The following RGS3 variants were observed in gnomAD, a reference collection of about 807,000 sequenced individuals.
The protein encoded by RGS3 is regulator of G-protein signalling 3.
In RGS3, 80 loss-of-function variants were observed where a neutral mutation model predicts 132.6. The ratio of observed to expected loss-of-function variants is 0.60; its 90% CI spans 0.50 to 0.73. The LOEUF (loss-of-function observed/expected upper bound fraction) is 0.73. RGS3 is among the 30% of genes least tolerant of loss of function. The pLI is 0.00. For synonymous variants in RGS3, 598 were observed against 620.6 expected (o/e 0.96, Z 0.54); for missense variants, 1,382 against 1,530.8 (o/e 0.90, Z 1.62).
At chr9:113,505,229 G>T in intron 10 of RGS3, 1 of 573,300 alleles carries the variant, frequency 1.7e-6, no homozygotes, top group Non-Finnish European at 3.1e-6. Context: ...TTTACTTGCT[G>T]AGCTTTGGGC....
chr9:113,595,620 C>T (rs1348216358), exon 24 of RGS3: 5 of 1,614,162 alleles, frequency 3.1e-6, no homozygotes, highest in Non-Finnish European at 3.4e-6. Flanking sequence ...GTGTTCCAAG[C>T]CTTCCTTCGC....
chr9:113,551,794 G>A (rs1270752324), intron 19 of RGS3, among the ~76,000 whole-genome samples: 5 of 152,202 alleles, frequency 3.3e-5, no homozygotes, highest in Admixed American at 6.5e-5. Context: ...GGGAGGTGGA[G>A]GTTGCACGGA....
intron 19 of RGS3, among the ~76,000 whole-genome samples, chr9:113,569,794 G>A (rs566438176): frequency 3.0e-4 from 45 of 152,276 alleles, no homozygotes; most frequent in South Asian, 2.5e-3. Context: ...GAGGCATGGG[G>A]TGGGGAGGGG....
At chr9:113,593,186 C>G (rs745438247) in intron 21 of RGS3, among the ~76,000 whole-genome samples, 2 of 152,174 alleles carry the variant, frequency 1.3e-5, no homozygotes, top group Non-Finnish European at 2.9e-5. Context: ...AAGACTAGCT[C>G]CAGAGCCTGG....
intron 16 of RGS3, among the ~76,000 whole-genome samples, chr9:113,519,834 G>T (rs12342699): frequency 2.0e-5 from 3 of 152,044 alleles, no homozygotes; most frequent in South Asian, 2.1e-4. Flanking sequence ...ATCCAGTCCC[G>T]CACCGTGAAC....
chr9:113,584,103 C>T (rs565065988), exon 20 of RGS3: 102 of 1,614,140 alleles, frequency 6.3e-5, no homozygotes, highest in African/African-American at 4.9e-4. Context: ...GGGAGGAGGA[C>T]GAGGATGAGG....
chr9:113,569,513 T>C (rs903253479), intron 19 of RGS3, among the ~76,000 whole-genome samples: 2 of 152,278 alleles, frequency 1.3e-5, no homozygotes, highest in East Asian at 1.9e-4. Context: ...CAGTTCCCAG[T>C]TGATTCAAAT....
chr9:113,445,073 T>C lies in RGS3; in HGVS notation c.-13+146T>C, dbSNP rs192169167. Reference sequence around the variant, plus strand: ...TAAGATTTAGCCTGTTGGAATATGGTTCTAAGAGGCTTATATTTCCAAGAA... The same window carrying C: ...TAAGATTTAGCCTGTTGGAATATGGCTCTAAGAGGCTTATATTTCCAAGAA... On this transcript the variant is annotated intron_variant, in intron 1 of 25. Transcript: ENST00000374140. The C allele has an allele frequency of 5.9e-5, 9 of 152,368 alleles. No homozygotes were observed. The East Asian group carries it at 1.7e-3, about 29-fold the overall frequency. 9.4% of individuals were successfully genotyped at this position (152,368 alleles called of 1,614,324 possible). A position where few individuals can be genotyped will look rare whatever the true frequency, so the allele number is the denominator to read the frequency against.
chr9:113,476,288 A>G (rs888939604), intron 3 of RGS3, among the ~76,000 whole-genome samples: 2 of 151,914 alleles, frequency 1.3e-5, no homozygotes, highest in Admixed American at 6.6e-5. Flanking sequence ...GTAGAGTTCT[A>G]ATCTCCAGCT....
At chr9:113,529,158 G>T in intron 17 of RGS3, 63 bp from the exon 16 acceptor site, 1 of 1,308,512 alleles carries the variant, frequency 7.6e-7, no homozygotes, top group South Asian at 1.2e-5. Flanking sequence ...GACTGTGCTG[G>T]AGCAAACTGC....
At chr9:113,560,344 A>T (rs1833736902) in intron 19 of RGS3, among the ~76,000 whole-genome samples, 1 of 152,066 alleles carries the variant, frequency 6.6e-6, no homozygotes, top group Non-Finnish European at 1.5e-5. Context: ...GCTCTGTCTT[A>T]CCCCACCCCA....
At chr9:113,505,258 A>G in intron 10 of RGS3, 184 bp from the exon 9 acceptor site, 3 of 602,162 alleles carry the variant, frequency 5.0e-6, no homozygotes, top group South Asian at 2.0e-5. Flanking sequence ...TTGGCCCACA[A>G]CCCAGTGCTC....
intron 15 of RGS3, among the ~76,000 whole-genome samples, chr9:113,515,455 C>T (rs1831605369): frequency 6.6e-6 from 1 of 152,042 alleles, no homozygotes; most frequent in African/African-American, 2.4e-5. Flanking sequence ...AGATAAAAAC[C>T]CCATCTCTAC....
intron 16 of RGS3, among the ~76,000 whole-genome samples, chr9:113,519,171 T>C (rs1324492978): frequency 6.6e-6 from 1 of 152,156 alleles, no homozygotes; most frequent in East Asian, 1.9e-4. Flanking sequence ...TGAGATTCAC[T>C]GGGACCCAAG....
chr9:113,466,580 G>T (rs547410716), intron 3 of RGS3, among the ~76,000 whole-genome samples: 58 of 152,250 alleles, frequency 3.8e-4, no homozygotes, highest in South Asian at 6.2e-4. Context: ...CTGAGGCTAG[G>T]ACCCAACTAC....
At position 113,514,781 on chromosome 9, in the gene RGS3, G is replaced by A. The variant is rs1831570612; in HGVS notation, c.1674+127G>A. On this transcript the variant is annotated intron_variant, in intron 15 of 24. Coordinates refer to ENST00000350696, the Ensembl canonical transcript of RGS3. ...GGCCCTGTTTTGGGAAAGATAAGTA[G>A]CTTTAGATGCATAGGATTCTAGGGG... 1 of 809,678 alleles carries A rather than the reference G, an allele frequency of 1.2e-6. No homozygotes were observed. Among genetic ancestry groups the A allele is most frequent in the Non-Finnish European group, 1.9e-6 (1 of 519,818 alleles). 50.2% of individuals were successfully genotyped at this position (809,678 alleles called of 1,614,324 possible). A position where few individuals can be genotyped will look rare whatever the true frequency, so the allele number is the denominator to read the frequency against.
chr9:113,485,789 C>A lies in RGS3; in HGVS notation c.689+96C>A, dbSNP rs1285783447. ...ACACCAGGGGTTCGATTAGTGCTTT[C>A]TGGATAAATGAGTGATAGTGGCAAT... On this transcript the variant is annotated intron_variant, in intron 7 of 24. Coordinates refer to ENST00000350696, the Ensembl canonical transcript of RGS3. The A allele has an allele frequency of 8.4e-6, 7 of 831,474 alleles. No homozygotes were observed. The Admixed American group carries it at 1.6e-4, about 19-fold the overall frequency. 51.5% of individuals were successfully genotyped at this position (831,474 alleles called of 1,614,324 possible).
chr9:113,540,640 G>T (rs774661388), intron 19 of RGS3, among the ~76,000 whole-genome samples: 3 of 152,230 alleles, frequency 2.0e-5, no homozygotes, highest in East Asian at 1.9e-4. Context: ...GATGAGAAGG[G>T]CAGACACAGT....
chr9:113,453,008 ATAT>A (rs1338502986), intron 1 of RGS3, among the ~76,000 whole-genome samples: 1 of 133,290 alleles, frequency 7.5e-6, no homozygotes. Flanking sequence ...ATATAAATAT[ATAT>A]TATATTTTAT....
Sources: gnomAD v4.1 joint callset for allele counts (sites outside exome capture counted in the v4.1 genomes callset) on GRCh38, gnomAD v4.1.1 for gene constraint, MANE v1.5 for transcripts, NCBI Gene and HGNC (gene_info 2026-07-23, HGNC 2026-07-21) for gene names.